Variants in CGNL1 observed in about 807,000 individuals in gnomAD.
The protein encoded by CGNL1 is cingulin like 1.
Under a neutral mutation model 141.2 loss-of-function variants are expected in CGNL1, and 132 were observed. The observed-to-expected ratio is 0.93, with a 90% CI of 0.81 to 1.08. CGNL1 has a LOEUF of 1.08. CGNL1 is among the 50% of genes least tolerant of loss of function. CGNL1 has a pLI of 0.00. For missense variants in CGNL1, 1,870 were observed against 1,588.6 expected (o/e 1.18, Z -3.01); for synonymous variants, 690 against 622.1 (o/e 1.11, Z -1.63).
At chr15:57,543,815 C>T (rs1159655018) in intron 15 of CGNL1, 36 bp downstream of exon 15, 2 of 1,501,806 alleles carry the variant, frequency 1.3e-6, no homozygotes, top group Non-Finnish European at 9.3e-7. Context: ...CCCCCCCGTC[C>T]ATCCGCTAAC....
At chr15:57,387,118 G>C (rs74807205) in intron 1 of CGNL1, among the ~76,000 whole-genome samples, 10,531 of 152,076 alleles carry the variant, frequency 0.069, 463 homozygotes, top group South Asian at 0.12. Flanking sequence ...CCCTCCCTGC[G>C]AGCCCGCTCA....
chr15:57,407,950 T>C lies in CGNL1; in HGVS notation c.-15-30035T>C, dbSNP rs142319243. On this transcript the variant is annotated intron_variant, in intron 1 of 18. Coordinates refer to ENST00000281282, the MANE Select transcript of CGNL1 (RefSeq NM_032866.5). ...TTTTATTAGAGATGGGGTTTCACCA[T>C]GTTGGACAGGGTGGTCTTGAACTCC... 6.3e-3 allele frequency among the ~76,000 whole-genome samples: 956 copies of C among 152,072 alleles called. 5 individuals are homozygous for C. Among genetic ancestry groups the C allele is most frequent in the African/African-American group, 0.022 (923 of 41,462 alleles).
chr15:57,453,604 T>C, intron 6 of CGNL1, 79 bp from the exon 7 acceptor site: 1 of 1,567,326 alleles, frequency 6.4e-7, no homozygotes, highest in East Asian at 2.3e-5. Flanking sequence ...TGTGTAACCC[T>C]CTGAAGATCA....
At chr15:57,462,339 G>T (rs1217384637) in intron 8 of CGNL1, among the ~76,000 whole-genome samples, 1 of 152,160 alleles carries the variant, frequency 6.6e-6, no homozygotes, top group African/African-American at 2.4e-5. Flanking sequence ...CCTTTTGTTG[G>T]ACAATTCAGG....
chr15:57,379,908 T>A (rs1328537709), intron 1 of CGNL1, among the ~76,000 whole-genome samples: 5 of 152,148 alleles, frequency 3.3e-5, no homozygotes, highest in African/African-American at 1.2e-4. Flanking sequence ...GGCTTAGTGT[T>A]TTCAGCCTGG....
chr15:57,416,443 C>G (rs4404002), intron 1 of CGNL1, among the ~76,000 whole-genome samples: 2 of 151,912 alleles, frequency 1.3e-5, no homozygotes, highest in African/African-American at 4.8e-5. Context: ...CCTGGCTAGA[C>G]CTTTGCATCC....
chr15:57,423,228 C>A (rs983515041), intron 1 of CGNL1, among the ~76,000 whole-genome samples: 1 of 152,066 alleles, frequency 6.6e-6, no homozygotes, highest in Middle Eastern at 3.2e-3. Context: ...CAGGCAACAG[C>A]CAGAGGAAGG....
intron 11 of CGNL1, among the ~76,000 whole-genome samples, 200 bp downstream of exon 11, chr15:57,523,841 C>T (rs1396779619): frequency 1.3e-5 from 2 of 152,130 alleles, no homozygotes; most frequent in Non-Finnish European, 2.9e-5. Flanking sequence ...AATGCCAGTA[C>T]CCTCTGGATT....
chr15:57,481,063 G>GTTTTTTTTT (rs1567144577), intron 8 of CGNL1, among the ~76,000 whole-genome samples: 1 of 105,074 alleles, frequency 9.5e-6, no homozygotes, highest in Non-Finnish European at 2.1e-5. Context: ...AAAGACCTGG[G>GTTTTTTTTT]GTTTTTTTTT....
intron 8 of CGNL1, among the ~76,000 whole-genome samples, chr15:57,492,802 G>T (rs1262356292): frequency 2.0e-5 from 3 of 152,192 alleles, no homozygotes; most frequent in Non-Finnish European, 4.4e-5. Context: ...GGGACCTGGG[G>T]ACCCATGAGC....
chr15:57,418,543 G>A (rs373217876), intron 1 of CGNL1, among the ~76,000 whole-genome samples: 5 of 152,224 alleles, frequency 3.3e-5, no homozygotes, highest in Middle Eastern at 3.4e-3. Flanking sequence ...CTGTAAGATG[G>A]CAGTTTGCTG....
At chr15:57,413,213 T>C (rs140322787) in intron 1 of CGNL1, among the ~76,000 whole-genome samples, 4,332 of 142,716 alleles carry the variant, frequency 0.03, 212 homozygotes, top group East Asian at 0.13. Context: ...CTTTCTCTCT[T>C]CCTCTCTTCC....
intron 1 of CGNL1, among the ~76,000 whole-genome samples, chr15:57,422,088 C>T (rs1189392533): frequency 1.5e-5 from 2 of 135,248 alleles, no homozygotes; most frequent in African/African-American, 2.8e-5. Flanking sequence ...ATGTGGGGCC[C>T]TGTCATTTAT....
Position 57,546,319 on chromosome 15 carries a change from T to G in CGNL1, c.3773+80T>G, listed in dbSNP as rs1165501353. On this transcript the variant is annotated intron_variant, in intron 18 of 18. Coordinates refer to ENST00000281282, the MANE Select transcript of CGNL1 (RefSeq NM_032866.5). ...GGCTCTGCTTTCAGAGCATTCACACTCCTGTTGTCTCAAGCCAGCTCCTCA... is the reference window on the plus strand; with the variant it reads ...GGCTCTGCTTTCAGAGCATTCACACGCCTGTTGTCTCAAGCCAGCTCCTCA... The G allele has an allele frequency of 4.9e-6, 7 of 1,426,548 alleles. No individual in the cohort carries two copies. The Admixed American group carries it at 1.3e-4, about 26-fold the overall frequency. The allele number at this position is 1,426,548 out of a possible 1,614,324, so 88.4% of individuals were successfully genotyped here. A position where few individuals can be genotyped will look rare whatever the true frequency, so the allele number is the denominator to read the frequency against.
intron 8 of CGNL1, among the ~76,000 whole-genome samples, chr15:57,483,982 AC>A (rs1355156713): frequency 6.6e-6 from 1 of 152,090 alleles, no homozygotes; most frequent in South Asian, 2.1e-4. Flanking sequence ...AAAATTGCTG[AC>A]TTTTATTTGC....
At chr15:57,451,383 A>T in intron 4 of CGNL1, 117 bp from the exon 5 acceptor site, 2 of 694,298 alleles carry the variant, frequency 2.9e-6, no homozygotes, top group Non-Finnish European at 2.4e-6. Context: ...ATTGGGTCTT[A>T]AAATGTTTAG....
At chr15:57,442,290 G>T in intron 3 of CGNL1, 83 bp from the exon 4 acceptor site, 1 of 749,360 alleles carries the variant, frequency 1.3e-6, no homozygotes, top group South Asian at 1.6e-5. Context: ...TAAAGGACCT[G>T]TTGGGTGTGT....
At chr15:57,455,705 C>T (rs2063371091) in intron 7 of CGNL1, among the ~76,000 whole-genome samples, 1 of 152,104 alleles carries the variant, frequency 6.6e-6, no homozygotes, top group African/African-American at 2.4e-5. Context: ...GGGAATAATT[C>T]TGAAATGAAC....
At chr15:57,541,536 C>T (rs1355035140) in intron 14 of CGNL1, among the ~76,000 whole-genome samples, 1 of 152,218 alleles carries the variant, frequency 6.6e-6, no homozygotes. Flanking sequence ...AGAGTGGGAG[C>T]GGGCCTGAGT....
Sources: gnomAD v4.1 joint callset for allele counts (sites outside exome capture counted in the v4.1 genomes callset) on GRCh38, gnomAD v4.1.1 for gene constraint, MANE v1.5 for transcripts, NCBI Gene and HGNC (gene_info 2026-07-23, HGNC 2026-07-21) for gene names.